CNIH1: variants seen among roughly 807,000 people sequenced by gnomAD.
CNIH1 encodes protein cornichon homolog 1.
CNIH1 carries 12 observed loss-of-function variants against 20.2 expected under a neutral mutation model. That is an observed-to-expected ratio of 0.59 (90% confidence interval 0.38 to 0.96). The LOEUF is 0.96. CNIH1 is among the 40% of genes least tolerant of loss of function. The pLI, the probability that CNIH1 is intolerant of heterozygous loss-of-function variation, is 0.00. For synonymous variants in CNIH1, 69 were observed against 63.3 expected, an observed-to-expected ratio of 1.09 and a Z score of -0.43; for missense variants, 152 against 178.8, an observed-to-expected ratio of 0.85 and a Z score of 0.85.
chr14:54,437,113 C>T (rs527307726), intron 1 of CNIH1, among the ~76,000 whole-genome samples: 6 of 152,312 alleles, frequency 3.9e-5, no homozygotes, highest in Admixed American at 1.3e-4. Context: ...TTTGTCCACA[C>T]TCTGGAGGAA....
intron 1 of CNIH1, among the ~76,000 whole-genome samples, 196 bp downstream of exon 1, chr14:54,441,051 G>A (rs961406828): frequency 6.4e-4 from 97 of 151,880 alleles, no homozygotes; most frequent in African/African-American, 2.1e-3. Context: ...ACGCGGGCGC[G>A]TCCACCTGGC....
chr14:54,441,130 G>C (rs771723686), intron 1 of CNIH1, 117 bp downstream of exon 1: 5 of 1,058,660 alleles, frequency 4.7e-6, no homozygotes, highest in Non-Finnish European at 4.8e-6. Flanking sequence ...CGTGCCAGCC[G>C]GGCCGCATCC....
chr14:54,432,342 T>C (rs190349012), intron 2 of CNIH1, 122 bp from the exon 3 acceptor site: 1 of 517,954 alleles, frequency 1.9e-6, no homozygotes, highest in Admixed American at 3.9e-5. Flanking sequence ...GACTCAGAAA[T>C]AAAAGATGCT....
intron 1 of CNIH1, among the ~76,000 whole-genome samples, chr14:54,437,417 A>T (rs1280511453): frequency 6.6e-6 from 1 of 151,790 alleles, no homozygotes; most frequent in East Asian, 1.9e-4. Flanking sequence ...TTTCCCTGTT[A>T]AAATTTAGAT....
intron 1 of CNIH1, among the ~76,000 whole-genome samples, chr14:54,439,639 C>T (rs563779274): frequency 1.4e-4 from 22 of 152,110 alleles, no homozygotes; most frequent in African/African-American, 5.1e-4. Context: ...CCTCTGCCTC[C>T]TGGGTTCAAG....
chr14:54,432,934 G>A (rs188509029), intron 2 of CNIH1, among the ~76,000 whole-genome samples: 12 of 152,204 alleles, frequency 7.9e-5, no homozygotes, highest in African/African-American at 2.6e-4. Context: ...ACCCCTGCTT[G>A]CCAACAAAAT....
Position 54,427,711 on chromosome 14 carries a change from A to G in CNIH1, c.*103T>C. 8.4e-7 allele frequency: 1 copy of G among 1,186,100 alleles called. No homozygotes were observed. Among genetic ancestry groups the G allele is most frequent in the Non-Finnish European group, 1.2e-6 (1 of 820,192 alleles). The allele number at this position is 1,186,100 out of a possible 1,614,324, so 73.5% of individuals were successfully genotyped here. On this transcript the variant is annotated 3_prime_UTR_variant, in exon 5 of 5. Coordinates refer to ENST00000216416, the MANE Select transcript of CNIH1 (RefSeq NM_005776.3). ...GAGTCATTTTTTAAAGTAACTGATC[A>G]GATTCCACAGGCTACTCTTGGACAG...
intron 2 of CNIH1, among the ~76,000 whole-genome samples, chr14:54,433,010 T>C (rs2030980688): frequency 6.6e-6 from 1 of 152,230 alleles, no homozygotes; most frequent in African/African-American, 2.4e-5. Context: ...CTTTTGGTAC[T>C]AGGTAATATT....
chr14:54,440,985 C>T (rs1451338781), intron 1 of CNIH1, among the ~76,000 whole-genome samples: 1 of 152,028 alleles, frequency 6.6e-6, no homozygotes, highest in Non-Finnish European at 1.5e-5. Context: ...GCCTGGACCG[C>T]GGCCGCCCCA....
chr14:54,430,210 C>T (rs1381724516), intron 4 of CNIH1, 51 bp downstream of exon 4: 1 of 1,589,798 alleles, frequency 6.3e-7, no homozygotes, highest in Non-Finnish European at 8.6e-7. Flanking sequence ...TGCCTGCAAA[C>T]TTTTAAAGCA....
chr14:54,428,470 C>A (rs1396969160), intron 4 of CNIH1, among the ~76,000 whole-genome samples: 1 of 152,186 alleles, frequency 6.6e-6, no homozygotes, highest in African/African-American at 2.4e-5. Flanking sequence ...GGGCATGATT[C>A]AAAAAGCACA....
chr14:54,433,800 T>C (rs918569648), intron 2 of CNIH1, among the ~76,000 whole-genome samples: 3 of 152,186 alleles, frequency 2.0e-5, no homozygotes, highest in Non-Finnish European at 4.4e-5. Context: ...TTTGAAAGCA[T>C]GAACCCCTCC....
intron 4 of CNIH1, chr14:54,430,034 CA>C (rs2030903302): frequency 8.0e-6 from 4 of 501,460 alleles, no homozygotes; most frequent in South Asian, 7.7e-5. Flanking sequence ...ACTTATGAAG[CA>C]GCATCCCTGA....
chr14:54,432,612 T>C (rs1015833071), intron 2 of CNIH1, among the ~76,000 whole-genome samples: 7 of 152,168 alleles, frequency 4.6e-5, no homozygotes, highest in Non-Finnish European at 8.8e-5. Flanking sequence ...ATGCAACATA[T>C]TAAAAATTCC....
At chr14:54,441,037 G>A (rs1291663329) in intron 1 of CNIH1, among the ~76,000 whole-genome samples, 1 of 151,796 alleles carries the variant, frequency 6.6e-6, no homozygotes, top group African/African-American at 2.4e-5. Flanking sequence ...CCTGTGCCGA[G>A]GCAACGCGGG....
chr14:54,441,115 C>T, intron 1 of CNIH1, 132 bp downstream of exon 1: 4 of 944,214 alleles, frequency 4.2e-6, no homozygotes, highest in Non-Finnish European at 5.4e-6. Context: ...CCTCGCCGCG[C>T]GGCCCGTGCC....
intron 1 of CNIH1, among the ~76,000 whole-genome samples, chr14:54,440,045 A>C (rs139872522): frequency 6.6e-6 from 1 of 152,382 alleles, no homozygotes; most frequent in African/African-American, 2.4e-5. Context: ...GATTACAATA[A>C]GCAGTCAGGT....
chr14:54,439,766 G>A (rs750769931), intron 1 of CNIH1, among the ~76,000 whole-genome samples: 2 of 151,884 alleles, frequency 1.3e-5, no homozygotes, highest in Non-Finnish European at 2.9e-5. Flanking sequence ...TGGCCAGGCT[G>A]GTCTCGAACT....
chr14:54,425,698 A>G lies in CNIH1; in HGVS notation c.*2116T>C, dbSNP rs780166242. ...TCTTTTAATCACTTACATGCCTAGG[A>G]ACTCACAAACTACCACAAAGATGGG... On this transcript the variant is annotated 3_prime_UTR_variant, in exon 5 of 5. Coordinates refer to ENST00000216416, the MANE Select transcript of CNIH1 (RefSeq NM_005776.3). 1 of 152,194 alleles carries G rather than the reference A, an allele frequency of 6.6e-6. No homozygotes were observed. The highest frequency in any genetic ancestry group is 2.4e-5 in the African/African-American group (1 of 41,448). The allele number at this position is 152,194 out of a possible 1,614,324, so 9.4% of individuals were successfully genotyped here.
Sources: gnomAD v4.1 joint callset for allele counts (sites outside exome capture counted in the v4.1 genomes callset) on GRCh38, gnomAD v4.1.1 for gene constraint, MANE v1.5 for transcripts, NCBI Gene and HGNC (gene_info 2026-07-23, HGNC 2026-07-21) for gene names.